The following ABCC10 variants were observed in gnomAD, a reference collection of about 807,000 sequenced individuals.
ABCC10 encodes ATP binding cassette subfamily C member 10.
In ABCC10, 110 loss-of-function variants were observed where a neutral mutation model predicts 143.2. The ratio of observed to expected loss-of-function variants is 0.77; its 90% CI spans 0.66 to 0.90. The LOEUF (loss-of-function observed/expected upper bound fraction) is 0.90, where lower values mean the gene tolerates loss of function less well. Ranked by LOEUF, ABCC10 falls within the 40% of genes least tolerant of loss-of-function variation. The pLI is 0.00. For missense variants in ABCC10, 1,700 were observed against 1,900.5 expected (o/e 0.89, Z 1.96); for synonymous variants, 805 against 846.7 (o/e 0.95, Z 0.85).
In ABCC10 at chr6:43,432,952, G is replaced by A; in HGVS notation, c.972G>A (p.Leu324=). Residue 324 remains leucine (L), a synonymous_variant, in exon 3 of 22, where the codon CTG becomes CTA. Transcript: ENST00000372530. ...EEGQEPLSHG[L]LYALGLAGGA... ...GGCAGGAGCCACTAAGCCACGGCCT[G>A]CTCTATGCTCTGGGGCTAGCCGGTG... 1 of 1,614,180 alleles carries A rather than the reference G, an allele frequency of 6.2e-7. No homozygotes were observed. The highest frequency in any genetic ancestry group is 1.1e-5 in the South Asian group (1 of 91,090).
At chr6:43,449,342 G>C in intron 20 of ABCC10, 80 bp from the exon 21 acceptor site, 1 of 1,497,122 alleles carries the variant, frequency 6.7e-7, no homozygotes, top group South Asian at 1.2e-5. Context: ...GCTGTGGTAG[G>C]GGCTGTTGCT....
In ABCC10 at chr6:43,436,258, C is replaced by T; in HGVS notation, c.1875+11C>T. Reference sequence around the variant, plus strand: ...CTCGAAGTGAAAAAGGTTTGTTGGACAGACACCCTGGGAGAGTCCTCAGAC... The same window carrying T: ...CTCGAAGTGAAAAAGGTTTGTTGGATAGACACCCTGGGAGAGTCCTCAGAC... On this transcript the variant is annotated intron_variant, in intron 6 of 21. Coordinates refer to ENST00000372530, the MANE Select transcript of ABCC10 (RefSeq NM_001198934.2). 2 of 1,612,954 alleles carry T rather than the reference C, an allele frequency of 1.2e-6. No homozygotes were observed. Among genetic ancestry groups the T allele is most frequent in the Non-Finnish European group, 1.7e-6 (2 of 1,179,776 alleles).
At chr6:43,434,572 C>A in intron 3 of ABCC10, 49 bp from the exon 4 acceptor site, 1 of 1,544,598 alleles carries the variant, frequency 6.5e-7, no homozygotes, top group Non-Finnish European at 8.9e-7. Context: ...AGGGAAGACA[C>A]ATGAGCAGTG....
Position 43,449,209 on chromosome 6 carries a change from G to T in ABCC10, c.4203+5G>T. ...GCTCTCCTCACAGATGCCAAGGTAA[G>T]GTGAGAGAAAGAGACATTAGAGAGG... On this transcript the variant is annotated splice_donor_5th_base_variant and intron_variant, in intron 20 of 21. Coordinates refer to ENST00000372530, the MANE Select transcript of ABCC10 (RefSeq NM_001198934.2). 2 of 1,613,870 alleles carry T rather than the reference G, an allele frequency of 1.2e-6. No individual in the cohort carries two copies. Among genetic ancestry groups the T allele is most frequent in the South Asian group, 2.2e-5 (2 of 91,044 alleles).
At chr6:43,431,780 AC>A in intron 2 of ABCC10, 2 of 1,094,156 alleles carry the variant, frequency 1.8e-6, no homozygotes, top group Non-Finnish European at 2.2e-6. Context: ...AAAGTAGCAA[AC>A]GTAGTACCCA....
intron 7 of ABCC10, 153 bp from the exon 8 acceptor site, chr6:43,438,471 T>G: frequency 6.9e-7 from 1 of 1,439,732 alleles, no homozygotes; most frequent in Non-Finnish European, 9.1e-7. Context: ...TTAGGACCCC[T>G]TGACCTCAGG....
In ABCC10 at chr6:43,449,954, C is replaced by T. The variant is rs200628851; in HGVS notation, c.4342C>T (p.Arg1448Trp). 111 of 1,613,924 alleles carry T rather than the reference C, an allele frequency of 6.9e-5. No homozygotes were observed. The highest frequency in any genetic ancestry group is 6.7e-5 in the African/African-American group (5 of 74,918). The change falls in exon 22 of 22, where the codon CGG (arginine) becomes TGG (tryptophan). Residue 1448 changes from arginine to tryptophan, a missense_variant. Transcript: ENST00000372530. ...GCTCAACACGATCCTGAACTCAGAC[C>T]GGGTGCTGGTGCTACAAGCGGGGAG... ...HRLNTILNSDRVLVLQAGRVV... is the reference protein window; with the variant it reads ...HRLNTILNSDWVLVLQAGRVV...
intron 16 of ABCC10, chr6:43,446,694 T>G (rs1463868295): frequency 8.4e-5 from 83 of 985,124 alleles, no homozygotes; most frequent in Non-Finnish European, 9.9e-5. Flanking sequence ...GTCCCTTCCC[T>G]GCTTCCACCC....
At chr6:43,441,470 G>A (rs575572348) in intron 8 of ABCC10, among the ~76,000 whole-genome samples, 14 of 150,282 alleles carry the variant, frequency 9.3e-5, no homozygotes, top group South Asian at 2.1e-4. Context: ...GCGAGACTCC[G>A]TCTCAAAAAA....
intron 1 of ABCC10, 80 bp downstream of exon 1, chr6:43,427,837 C>T: frequency 9.8e-7 from 1 of 1,019,958 alleles, no homozygotes; most frequent in Non-Finnish European, 1.5e-6. Flanking sequence ...TGGGCGGGGT[C>T]TGGCTTCGGG....
In ABCC10 at chr6:43,432,902, C is replaced by A. The variant is rs1018318507; in HGVS notation, c.922C>A (p.Leu308Ile). The A allele has an allele frequency of 4.3e-6, 7 of 1,614,030 alleles. No homozygotes were observed. The highest frequency in any genetic ancestry group is 5.1e-6 in the Non-Finnish European group (6 of 1,180,030). Reference protein sequence around the residue: ...LGFSGPLLLSLLVGFLEEGQE... With the variant: ...LGFSGPLLLSILVGFLEEGQE... ...ATTCTCAGGGCCCCTGTTGCTCTCC[C>A]TACTGGTGGGCTTCCTGGAAGAGGG... Residue 308 changes from leucine to isoleucine, a missense_variant, in exon 3 of 22, where the codon CTA (leucine) becomes ATA (isoleucine). Physicochemically the swap from Leu to Ile is conservative, Grantham distance 5. Transcript: ENST00000372530.
At chr6:43,438,167 GGTGGC>G (rs1463347579) in intron 7 of ABCC10, 154 bp downstream of exon 7, 1 of 985,240 alleles carries the variant, frequency 1.0e-6, no homozygotes, top group African/African-American at 1.6e-5. Flanking sequence ...GAAAGAAGGA[GGTGGC>G]CAAGAAAGCG....
At position 43,449,977 on chromosome 6, in the gene ABCC10, G is replaced by GA; in HGVS notation, c.4366dup (p.Arg1456LysfsTer133). The GA allele has an allele frequency of 1.9e-6, 3 of 1,613,976 alleles. No individual in the cohort carries two copies. The highest frequency in any genetic ancestry group is 2.5e-6 in the Non-Finnish European group (3 of 1,179,996). ...ACCGGGTGCTGGTGCTACAAGCGGG[G>GA]AGAGTGGTAGAGCTGGACTCCCCGG... On this transcript the variant is annotated frameshift_variant, in exon 22 of 22. Coordinates refer to ENST00000372530, the MANE Select transcript of ABCC10 (RefSeq NM_001198934.2). LOFTEE classifies it high-confidence loss of function.
In ABCC10 at chr6:43,433,348, T is replaced by G; in HGVS notation, c.1368T>G (p.Asp456Glu). ...ACCAGGAAATGCTACAGCACAAGGA[T>G]GCGCGGGTTAAGGTGAGCGGGTACT... is the stretch of plus-strand genomic sequence containing the variant. Reference protein sequence around the residue: ...ASNQEMLQHKDARVKLVTELL... With the variant: ...ASNQEMLQHKEARVKLVTELL... Residue 456 changes from aspartate to glutamate, a missense_variant, in exon 3 of 22, where the codon GAT becomes GAG. By Grantham distance (45) the Asp-to-Glu change is conservative (BLOSUM62 2). Coordinates refer to ENST00000372530, the MANE Select transcript of ABCC10 (RefSeq NM_001198934.2). 2 of 1,611,476 alleles carry G rather than the reference T, an allele frequency of 1.2e-6. No individual in the cohort carries two copies. The highest frequency in any genetic ancestry group is 1.7e-6 in the Non-Finnish European group (2 of 1,178,076).
At chr6:43,434,273 G>C (rs910927107) in intron 3 of ABCC10, among the ~76,000 whole-genome samples, 2 of 152,392 alleles carry the variant, frequency 1.3e-5, no homozygotes, top group Admixed American at 6.5e-5. Context: ...ATAGCCCTTT[G>C]TCCCTCATCT....
intron 12 of ABCC10, 52 bp downstream of exon 12, chr6:43,444,405 T>C (rs755188598): frequency 6.5e-7 from 1 of 1,534,550 alleles, no homozygotes; most frequent in Non-Finnish European, 8.7e-7. Context: ...GCTGTCTAGG[T>C]GCCCATTACC....
chr6:43,443,829 C>A lies in ABCC10; in HGVS notation c.2417-104C>A. On this transcript the variant is annotated intron_variant, in intron 10 of 21. Coordinates refer to ENST00000372530, the MANE Select transcript of ABCC10 (RefSeq NM_001198934.2). The surrounding 1 kb of genome is among the most constrained non-coding windows in gnomAD (Gnocchi z 4.2). ...GGGTATCCTGCTAGGGTGGGTTAGA[C>A]GGGGAGGCCTGAGAGGATGAGAGGT... The A allele has an allele frequency of 8.2e-7, 1 of 1,214,968 alleles. No individual in the cohort carries two copies. The highest frequency in any genetic ancestry group is 1.2e-6 in the Non-Finnish European group (1 of 822,334). The allele number at this position is 1,214,968 out of a possible 1,614,324, so 75.3% of individuals were successfully genotyped here.
At chr6:43,450,883 C>T (rs1454844426), downstream of ABCC10, 5 of 1,614,196 alleles carry the variant, frequency 3.1e-6, no homozygotes, top group Non-Finnish European at 4.2e-6. The surrounding 1 kb of genome is among the most constrained non-coding windows in gnomAD (Gnocchi z 4.5). Context: ...GGTACCACTA[C>T]AGCTGAGGTG....
At position 43,443,699 on chromosome 6, in the gene ABCC10, G is replaced by A; in HGVS notation, c.2417-234G>A. On this transcript the variant is annotated intron_variant, in intron 10 of 21. Coordinates refer to ENST00000372530, the MANE Select transcript of ABCC10 (RefSeq NM_001198934.2). The surrounding 1 kb of genome is among the most constrained non-coding windows in gnomAD (Gnocchi z 4.2). ...GACATTCGTCCCTCTCTGCTGGTCG[G>A]AATCAAGGTTTACAAGGATGGACTT... 1 of 513,492 alleles carries A rather than the reference G, an allele frequency of 1.9e-6. No individual in the cohort carries two copies. The highest frequency in any genetic ancestry group is 3.2e-5 in the East Asian group (1 of 31,168). 31.8% of individuals were successfully genotyped at this position (513,492 alleles called of 1,614,324 possible). A position where few individuals can be genotyped will look rare whatever the true frequency, so the allele number is the denominator to read the frequency against.
Sources: gnomAD v4.1 joint callset for allele counts (sites outside exome capture counted in the v4.1 genomes callset) on GRCh38, gnomAD v4.1.1 for gene constraint, Gnocchi (gnomAD v3.1) non-coding constraint, MANE v1.5 for transcripts, NCBI Gene and HGNC (gene_info 2026-07-23, HGNC 2026-07-21) for gene names.